MGAT4C: variants seen among roughly 807,000 people sequenced by gnomAD.
The protein encoded by MGAT4C is MGAT4 family member C, also known as alpha-1,3-mannosyl-glycoprotein 4-beta-N-acetylglucosaminyltransferase C.
MGAT4C carries 19 observed loss-of-function variants against 40.1 expected under a neutral mutation model. That is an observed-to-expected ratio of 0.47 (90% confidence interval 0.33 to 0.70). The LOEUF is 0.70. Among genes scored for constraint, MGAT4C ranks in the 30% least tolerant of loss-of-function variants. The pLI, the probability that MGAT4C is intolerant of heterozygous loss-of-function variation, is 0.02. For synonymous variants in MGAT4C, 181 were observed against 187.1 expected (o/e 0.97, Z 0.27); for missense variants, 491 against 563.2 (o/e 0.87, Z 1.30).
At chr12:86,750,614 A>C (rs1341142588) in intron 1 of MGAT4C, among the ~76,000 whole-genome samples, 1 of 151,910 alleles carries the variant, frequency 6.6e-6, no homozygotes, top group Non-Finnish European at 1.5e-5. Context: ...TTATAGTAAA[A>C]TCTACTAAGG....
intron 3 of MGAT4C, among the ~76,000 whole-genome samples, chr12:86,429,662 T>C (rs1039553179): frequency 2.0e-5 from 3 of 152,158 alleles, no homozygotes; most frequent in Non-Finnish European, 4.4e-5. Flanking sequence ...ATATTCACCC[T>C]CTTTCATATA....
At chr12:86,104,027 A>G (rs900576628) in intron 1 of MGAT4C, among the ~76,000 whole-genome samples, 2 of 152,096 alleles carry the variant, frequency 1.3e-5, no homozygotes, top group African/African-American at 4.8e-5. Flanking sequence ...ATTTAAGGGG[A>G]TCCCAAGTCC....
At chr12:86,426,497 G>A (rs1956929074) in intron 3 of MGAT4C, among the ~76,000 whole-genome samples, 1 of 152,014 alleles carries the variant, frequency 6.6e-6, no homozygotes, top group African/African-American at 2.4e-5. Context: ...TACAAATAAG[G>A]AAACAAAGGC....
At chr12:86,108,645 C>T (rs925950091) in intron 1 of MGAT4C, among the ~76,000 whole-genome samples, 2 of 152,004 alleles carry the variant, frequency 1.3e-5, no homozygotes, top group Admixed American at 6.6e-5. Context: ...GACTTCGTGT[C>T]CTGAAAAATC....
intron 2 of MGAT4C, among the ~76,000 whole-genome samples, chr12:86,588,051 T>A (rs1286403638): frequency 6.6e-6 from 1 of 151,926 alleles, no homozygotes; most frequent in East Asian, 1.9e-4. Flanking sequence ...ATCCTTCCAG[T>A]TTGTGCCCAT....
chr12:86,728,449 A>G (rs144562543), intron 1 of MGAT4C, among the ~76,000 whole-genome samples: 3,127 of 152,288 alleles, frequency 0.021, 100 homozygotes, highest in African/African-American at 0.071. Flanking sequence ...CCAGCACTTT[A>G]GGAGTCTGAG....
At position 85,980,430 on chromosome 12, in the gene MGAT4C, C is replaced by G. The variant is rs1884454668; in HGVS notation, c.296G>C (p.Arg99Pro). 1 of 1,564,796 alleles carries G rather than the reference C, an allele frequency of 6.4e-7. No individual in the cohort carries two copies. The stretch of plus-strand genomic sequence containing the variant: ...TGAAGAAAGTCCAATTGTAAGATAC[C>G]CTGCAAAAAAGAATTCAGAAGCAAT... ...YLAATPLQRK[R>P]YLTIGLSSVK... Residue 99 changes from arginine (R) to proline (P), a missense_variant and splice_region_variant, in exon 5 of 5, where the codon CGG becomes CCG. Coordinates refer to ENST00000611864, the MANE Select transcript of MGAT4C (RefSeq NM_001351288.2).
chr12:86,354,910 CA>C (rs1955272355), intron 3 of MGAT4C, among the ~76,000 whole-genome samples: 1 of 152,156 alleles, frequency 6.6e-6, no homozygotes, highest in South Asian at 2.1e-4. Flanking sequence ...CTGTGAAGAG[CA>C]AAAGAACAAA....
In MGAT4C at chr12:86,122,644, A is replaced by C. The variant is rs183484970; in HGVS notation, c.-56-72921T>G. Among the ~76,000 whole-genome samples the C allele has an allele frequency of 1.1e-4, 16 of 152,304 alleles. No homozygotes were observed. The East Asian group carries it at 2.9e-3, about 28-fold the overall frequency. ...ATAAACACTGCAAGATGATCTAGTCAGATGGAAATGGTTCTATTAAGCTTC... is the reference window on the plus strand; with the variant it reads ...ATAAACACTGCAAGATGATCTAGTCCGATGGAAATGGTTCTATTAAGCTTC... On this transcript the variant is annotated intron_variant, in intron 1 of 4. Transcript: ENST00000611864.
intron 2 of MGAT4C, among the ~76,000 whole-genome samples, chr12:86,652,631 A>G (rs890224434): frequency 6.6e-5 from 10 of 151,914 alleles, no homozygotes; most frequent in Admixed American, 2.6e-4. Context: ...ATTTGGCACT[A>G]TTGTTGCTGA....
chr12:86,569,860 T>C (rs1291671743), intron 2 of MGAT4C, among the ~76,000 whole-genome samples: 1 of 152,118 alleles, frequency 6.6e-6, no homozygotes, highest in Non-Finnish European at 1.5e-5. Context: ...TATTCAGCTT[T>C]AAGAAAGATA....
chr12:86,335,262 C>T (rs1954758127), intron 3 of MGAT4C, among the ~76,000 whole-genome samples: 1 of 152,014 alleles, frequency 6.6e-6, no homozygotes, highest in African/African-American at 2.4e-5. Flanking sequence ...TATTTCAGAA[C>T]ACTTGTTATT....
intron 2 of MGAT4C, among the ~76,000 whole-genome samples, chr12:86,473,719 C>G (rs1335614939): frequency 6.6e-6 from 1 of 152,158 alleles, no homozygotes; most frequent in African/African-American, 2.4e-5. Flanking sequence ...TATTATTAAA[C>G]TGTATATTAA....
intron 2 of MGAT4C, among the ~76,000 whole-genome samples, chr12:86,610,641 G>A (rs973167481): frequency 6.6e-6 from 1 of 151,168 alleles, no homozygotes; most frequent in Non-Finnish European, 1.5e-5. Context: ...CAACGTGCAG[G>A]TTTGTTACAT....
In MGAT4C at chr12:86,794,271, A is replaced by G. The variant is rs554643292; in HGVS notation, c.-262+44395T>C. ...ACATTTTATTAAAAATGGATGCTTTAAAATATGTTTAATAATCTTGCTCAA... is the reference window on the plus strand; with the variant it reads ...ACATTTTATTAAAAATGGATGCTTTGAAATATGTTTAATAATCTTGCTCAA... On this transcript the variant is annotated intron_variant, in intron 1 of 7. Coordinates refer to the MGAT4C transcript ENST00000548651. Among the ~76,000 whole-genome samples, 5 of 151,886 alleles carry G rather than the reference A, an allele frequency of 3.3e-5. No individual in the cohort carries two copies. In the Middle Eastern group the frequency reaches 0.011, roughly 340 times the overall value.
intron 2 of MGAT4C, among the ~76,000 whole-genome samples, chr12:86,709,728 T>C (rs1426752595): frequency 6.6e-6 from 1 of 152,116 alleles, no homozygotes; most frequent in Non-Finnish European, 1.5e-5. Flanking sequence ...CATTTTAAAA[T>C]AAGTATTTCT....
chr12:86,073,473 G>A (rs1869011042), intron 1 of MGAT4C, among the ~76,000 whole-genome samples: 1 of 152,156 alleles, frequency 6.6e-6, no homozygotes, highest in Non-Finnish European at 1.5e-5. Flanking sequence ...GAGCCCAGAA[G>A]AAGACAGGAA....
intron 1 of MGAT4C, among the ~76,000 whole-genome samples, chr12:86,230,236 G>T (rs1004360109): frequency 6.6e-6 from 1 of 152,038 alleles, no homozygotes; most frequent in Non-Finnish European, 1.5e-5. Context: ...GTTTTTTGAA[G>T]ATAGGAACTA....
intron 2 of MGAT4C, among the ~76,000 whole-genome samples, chr12:86,470,355 G>A (rs1957741398): frequency 6.6e-6 from 1 of 151,962 alleles, no homozygotes; most frequent in South Asian, 2.1e-4. Context: ...GAAAATATGA[G>A]GACTGAACTT....
Sources: allele counts gnomAD v4.1 joint callset (sites outside exome capture counted in the v4.1 genomes callset), GRCh38; gene constraint gnomAD v4.1.1; transcripts MANE v1.5; gene names NCBI Gene and HGNC (gene_info 2026-07-23, HGNC 2026-07-21).